The following CEMIP variants were observed in gnomAD, a reference collection of about 807,000 sequenced individuals.
CEMIP encodes cell migration inducing hyaluronidase 1, also known as cell migration-inducing and hyaluronan-binding protein.
Under a neutral mutation model 156.9 loss-of-function variants are expected in CEMIP, and 105 were observed. That is an observed-to-expected ratio of 0.67 (90% CI 0.57 to 0.79). The LOEUF is 0.79. Among genes scored for constraint, CEMIP ranks in the 30% least tolerant of loss-of-function variants. The pLI is 0.00. For synonymous variants in CEMIP, 676 were observed against 668.4 expected (o/e 1.01, Z -0.17); for missense variants, 1,457 against 1,769.4 (o/e 0.82, Z 3.17).
chr15:80,915,668 C>T (rs572710868), intron 14 of CEMIP, among the ~76,000 whole-genome samples: 1 of 152,246 alleles, frequency 6.6e-6, no homozygotes, highest in East Asian at 1.9e-4. Context: ...CCAGGCTACT[C>T]CCTCCCCAAC....
At chr15:80,794,070 T>A (rs1303512387) in intron 1 of CEMIP, among the ~76,000 whole-genome samples, 2 of 152,204 alleles carry the variant, frequency 1.3e-5, no homozygotes, top group African/African-American at 4.8e-5. Flanking sequence ...GTGGGACAAC[T>A]TGAGGTCAAA....
chr15:80,911,880 A>C (rs1266236712), intron 14 of CEMIP, among the ~76,000 whole-genome samples: 1 of 146,820 alleles, frequency 6.8e-6, no homozygotes, highest in African/African-American at 2.5e-5. Context: ...GAGAGTGAGC[A>C]TCCTGGCAGG....
chr15:80,847,189 C>T (rs550385042), intron 1 of CEMIP, among the ~76,000 whole-genome samples: 13 of 152,292 alleles, frequency 8.5e-5, no homozygotes, highest in African/African-American at 2.9e-4. Flanking sequence ...GTTAGGATTA[C>T]AGGCATGCAC....
Position 80,782,657 on chromosome 15 carries a change from T to C in CEMIP, c.-176+3043T>C, listed in dbSNP as rs1567045817. ...TGAGTGTTTTTATCCCTGTCAGTTT[T>C]ACATTCTGGTGCTCTTAGATTTTTA... On this transcript the variant is annotated intron_variant, in intron 1 of 29. Transcript: ENST00000394685. 3.3e-5 allele frequency among the ~76,000 whole-genome samples: 5 copies of C among 152,358 alleles called. No individual in the cohort carries two copies. The South Asian group carries it at 1.0e-3, about 32-fold the overall frequency.
At chr15:80,900,609 TG>T (rs1899454376) in intron 12 of CEMIP, among the ~76,000 whole-genome samples, 1 of 136,206 alleles carries the variant, frequency 7.3e-6, no homozygotes, top group Non-Finnish European at 1.6e-5. Context: ...TGTGTGTGTG[TG>T]TGTGTGTGTG....
chr15:80,784,222 C>T lies in CEMIP; in HGVS notation c.-176+4608C>T, dbSNP rs149675209. 2.0e-5 allele frequency among the ~76,000 whole-genome samples: 3 copies of T among 152,324 alleles called. No homozygotes were observed. In the East Asian group the frequency reaches 5.8e-4, roughly 29 times the overall value. On this transcript the variant is annotated intron_variant, in intron 1 of 29. Transcript: ENST00000394685. ...CTTTGAAGACCAGGTCTTTGAAAGC[C>T]CTGTGAATTTCTTTCTCTCCTGTCA... is the stretch of plus-strand genomic sequence containing the variant.
chr15:80,942,007 C>T lies in CEMIP; in HGVS notation c.3566C>T (p.Ala1189Val). Residue 1189 changes from alanine (A) to valine (V), a missense_variant, in exon 26 of 30, where the codon GCT becomes GTT. Coordinates refer to ENST00000394685, the MANE Select transcript of CEMIP (RefSeq NM_001293298.2). ...GCTTACCCCAAGTTCACCGAGAGGG[C>T]TGTCGTAGACGTGCCGATGCCCAAG... ...ATAYPKFTER[A>V]VVDVPMPKKL... 1 of 1,614,020 alleles carries T rather than the reference C, an allele frequency of 6.2e-7. No individual in the cohort carries two copies. The highest frequency in any genetic ancestry group is 1.6e-4 in the Middle Eastern group (1 of 6,062).
chr15:80,852,539 A>G (rs928083937), intron 1 of CEMIP, among the ~76,000 whole-genome samples: 1 of 152,186 alleles, frequency 6.6e-6, no homozygotes, highest in African/African-American at 2.4e-5. Context: ...TGGCATCGGA[A>G]ACATTCTGAC....
intron 1 of CEMIP, among the ~76,000 whole-genome samples, chr15:80,835,222 C>A (rs1897245182): frequency 2.6e-5 from 4 of 152,154 alleles, no homozygotes; most frequent in Non-Finnish European, 1.5e-5. Context: ...TATATCTTTT[C>A]TTTTGGCCCT....
At chr15:80,812,328 A>C (rs1264346464) in intron 1 of CEMIP, among the ~76,000 whole-genome samples, 2 of 152,150 alleles carry the variant, frequency 1.3e-5, no homozygotes, top group Non-Finnish European at 2.9e-5. Context: ...GGATAATTTC[A>C]ATGAGAAGCT....
At chr15:80,780,815 G>A (rs555759099) in intron 1 of CEMIP, among the ~76,000 whole-genome samples, 7 of 152,254 alleles carry the variant, frequency 4.6e-5, no homozygotes, top group Non-Finnish European at 1.0e-4. Context: ...CTCCACTCGG[G>A]GTCTGTGGCC....
Position 80,942,857 on chromosome 15 carries a change from C to G in CEMIP, c.3700-88C>G. On this transcript the variant is annotated intron_variant, in intron 27 of 29. Transcript: ENST00000394685. Reference sequence around the variant, plus strand: ...AAATAGATGCATAGGCAACTTCTGCCTTCAGGGTCTGCTTGGGAACCACCT... The same window carrying G: ...AAATAGATGCATAGGCAACTTCTGCGTTCAGGGTCTGCTTGGGAACCACCT... 6.0e-6 allele frequency: 9 copies of G among 1,506,736 alleles called. No individual in the cohort carries two copies. The South Asian group carries it at 1.0e-4, about 17-fold the overall frequency. 93.3% of individuals were successfully genotyped at this position (1,506,736 alleles called of 1,614,324 possible). A position where few individuals can be genotyped will look rare whatever the true frequency, so the allele number is the denominator to read the frequency against.
Position 80,932,462 on chromosome 15 carries a change from G to A in CEMIP, c.2793+423G>A, listed in dbSNP as rs1451197282. Among the ~76,000 whole-genome samples the A allele has an allele frequency of 6.6e-6, 1 of 152,224 alleles. No homozygotes were observed. The highest frequency in any genetic ancestry group is 1.5e-5 in the Non-Finnish European group (1 of 68,036). ...GATGTTCTGTTTAATCTCTCCCCGAGAGCAGACTATAAACAGAGGCCTCCT... is the reference window on the plus strand; with the variant it reads ...GATGTTCTGTTTAATCTCTCCCCGAAAGCAGACTATAAACAGAGGCCTCCT... On this transcript the variant is annotated intron_variant, in intron 22 of 29. Transcript: ENST00000394685. This position sits in a 1 kb window ranked among gnomAD's most constrained non-coding sequence, Gnocchi z 4.5.
intron 23 of CEMIP, 28 bp downstream of exon 23, chr15:80,933,488 A>G: frequency 6.4e-7 from 1 of 1,574,318 alleles, no homozygotes. Context: ...GGGGCCGGCC[A>G]CTCACTTATT....
chr15:80,842,779 G>A (rs1187528282), intron 1 of CEMIP, among the ~76,000 whole-genome samples: 1 of 152,124 alleles, frequency 6.6e-6, no homozygotes, highest in Non-Finnish European at 1.5e-5. Context: ...GGGGCCTGGA[G>A]TGCAGAAGAC....
intron 4 of CEMIP, 21 bp from the exon 5 acceptor site, chr15:80,879,695 C>A: frequency 1.9e-6 from 3 of 1,614,100 alleles, no homozygotes; most frequent in Non-Finnish European, 2.5e-6. Flanking sequence ...ATTAAACCTC[C>A]CCCCAATGCT....
chr15:80,924,732 T>A lies in CEMIP; in HGVS notation c.2288+26T>A, dbSNP rs750402060. On this transcript the variant is annotated intron_variant, in intron 18 of 29. Transcript: ENST00000394685. Reference sequence around the variant, plus strand: ...GTAATCAGCCATTGGGAAGACACAGTCCACGGTGACCTTGCAGTCCAGCTC... The same window carrying A: ...GTAATCAGCCATTGGGAAGACACAGACCACGGTGACCTTGCAGTCCAGCTC... 1.9e-6 allele frequency: 3 copies of A among 1,601,864 alleles called. No homozygotes were observed. In the Admixed American group the frequency reaches 5.0e-5, roughly 27 times the overall value.
intron 3 of CEMIP, 75 bp from the exon 4 acceptor site, chr15:80,878,646 C>T (rs1243058036): frequency 1.3e-6 from 2 of 1,597,772 alleles, no homozygotes; most frequent in African/African-American, 2.7e-5. Flanking sequence ...GCATGGGAGC[C>T]CCCTTTTGGC....
At chr15:80,829,195 A>G (rs1183384895) in intron 1 of CEMIP, among the ~76,000 whole-genome samples, 1 of 151,984 alleles carries the variant, frequency 6.6e-6, no homozygotes, top group African/African-American at 2.4e-5. Flanking sequence ...AATACCTGTC[A>G]CCGCCCACAT....
Sources: gnomAD v4.1 joint callset for allele counts (sites outside exome capture counted in the v4.1 genomes callset) on GRCh38, gnomAD v4.1.1 for gene constraint, Gnocchi (gnomAD v3.1) non-coding constraint, MANE v1.5 for transcripts, NCBI Gene and HGNC (gene_info 2026-07-23, HGNC 2026-07-21) for gene names.